Variants in MYO10 observed in about 807,000 individuals in gnomAD.
MYO10 encodes myosin X, also known as unconventional myosin-X.
Under a neutral mutation model 257.3 loss-of-function variants are expected in MYO10, and 133 were observed. The observed-to-expected ratio is 0.52, with a 90% confidence interval of 0.45 to 0.60. The LOEUF (loss-of-function observed/expected upper bound fraction) is 0.60. Among genes scored for constraint, MYO10 ranks in the 20% least tolerant of loss-of-function variants. The probability of loss-of-function intolerance (pLI) is 0.00; values close to 1 mark genes in which losing one functional copy is unlikely to be tolerated. For synonymous variants in MYO10, 1,104 were observed against 1,028.6 expected (o/e 1.07, Z -1.40); for missense variants, 2,399 against 2,635.7 (o/e 0.91, Z 1.97).
At chr5:16,865,407 G>A (rs2126749845) in intron 2 of MYO10, among the ~76,000 whole-genome samples, 1 of 152,176 alleles carries the variant, frequency 6.6e-6, no homozygotes, top group Non-Finnish European at 1.5e-5. Context: ...CTAGAATCTG[G>A]GGCTGAGTCT....
At chr5:16,681,271 G>T in intron 32 of MYO10, 38 bp downstream of exon 32, 1 of 1,572,758 alleles carries the variant, frequency 6.4e-7, no homozygotes, top group Non-Finnish European at 8.6e-7. Flanking sequence ...CAGACTTTAA[G>T]ATTTGATGCT....
chr5:16,725,408 T>A (rs1296029708), intron 19 of MYO10, among the ~76,000 whole-genome samples: 1 of 152,044 alleles, frequency 6.6e-6, no homozygotes, highest in Non-Finnish European at 1.5e-5. Context: ...TACTACATCT[T>A]AAATTGAAAA....
rs1451664796 is a variant in MYO10 at position 16,763,638 on chromosome 5, A to G, written c.1427+17T>C. ...CTTTAAAAAAAAAAATTGAAATGGAATTCTATGAGTGCTTACCGGCTATAT... is the reference window on the plus strand; with the variant it reads ...CTTTAAAAAAAAAAATTGAAATGGAGTTCTATGAGTGCTTACCGGCTATAT... On this transcript the variant is annotated intron_variant, in intron 13 of 40. Coordinates refer to ENST00000513610, the MANE Select transcript of MYO10 (RefSeq NM_012334.3). The G allele has an allele frequency of 3.1e-6, 5 of 1,591,134 alleles. No individual in the cohort carries two copies. Among genetic ancestry groups the G allele is most frequent in the Non-Finnish European group, 4.3e-6 (5 of 1,160,150 alleles).
intron 21 of MYO10, chr5:16,710,651 C>G (rs1266421955): frequency 2.0e-6 from 1 of 510,466 alleles, no homozygotes; most frequent in Non-Finnish European, 3.5e-6. Context: ...GAACAAATAC[C>G]CACACACAAA....
intron 2 of MYO10, among the ~76,000 whole-genome samples, chr5:16,851,306 A>G (rs372818370): frequency 3.3e-5 from 5 of 152,204 alleles, no homozygotes; most frequent in African/African-American, 1.2e-4. Context: ...CAGTGGCCTT[A>G]GTAATCACAT....
intron 19 of MYO10, chr5:16,741,931 C>A (rs1414776713): frequency 2.0e-6 from 2 of 985,330 alleles, no homozygotes; most frequent in Non-Finnish European, 2.4e-6. Context: ...GTGTTCCCAG[C>A]CTTTTATGTG....
chr5:16,751,533 G>C (rs1740376902), intron 19 of MYO10, among the ~76,000 whole-genome samples: 1 of 152,052 alleles, frequency 6.6e-6, no homozygotes, highest in African/African-American at 2.4e-5. Context: ...CCAGGCTGGA[G>C]TGCAATGTCG....
chr5:16,748,005 T>TGG (rs1156847273), intron 19 of MYO10, among the ~76,000 whole-genome samples: 1 of 135,930 alleles, frequency 7.4e-6, no homozygotes, highest in Non-Finnish European at 1.6e-5. Flanking sequence ...AAGAATAACA[T>TGG]GGGACCCAAA....
chr5:16,814,707 T>C (rs1742552374), intron 3 of MYO10: 1 of 152,242 alleles, frequency 6.6e-6, no homozygotes, highest in Middle Eastern at 3.4e-3. Flanking sequence ...TAAAAAATCA[T>C]GGTGGCTGCT....
At chr5:16,779,249 T>G (rs1006477564) in intron 9 of MYO10, among the ~76,000 whole-genome samples, 3 of 152,238 alleles carry the variant, frequency 2.0e-5, no homozygotes, top group East Asian at 3.9e-4. Context: ...GGGGGTTTTT[T>G]GGGGGTGGAA....
intron 9 of MYO10, 72 bp downstream of exon 9, chr5:16,779,473 C>T (rs1579981904): frequency 6.5e-6 from 6 of 918,374 alleles, no homozygotes; most frequent in East Asian, 2.9e-5. Context: ...CTTTTGAAAC[C>T]GAAAATGAAA....
At chr5:16,874,264 G>A (rs573844180) in intron 2 of MYO10, among the ~76,000 whole-genome samples, 7 of 146,148 alleles carry the variant, frequency 4.8e-5, no homozygotes, top group South Asian at 2.2e-4. Context: ...AACCCGGGAC[G>A]TAGAGCTTGC....
At chr5:16,668,549 G>A (rs1329447895) in intron 39 of MYO10, 81 bp from the exon 40 acceptor site, 4 of 1,161,484 alleles carry the variant, frequency 3.4e-6, no homozygotes, top group South Asian at 3.3e-5. Flanking sequence ...GACAGGCTTT[G>A]AGTGAAGTCC....
At chr5:16,739,747 C>T (rs1739944208) in intron 19 of MYO10, among the ~76,000 whole-genome samples, 1 of 151,682 alleles carries the variant, frequency 6.6e-6, no homozygotes, top group Non-Finnish European at 1.5e-5. Context: ...ACTATGATCC[C>T]AATTTAAAGG....
chr5:16,717,817 G>A (rs1392423120), intron 19 of MYO10, among the ~76,000 whole-genome samples: 6 of 152,326 alleles, frequency 3.9e-5, no homozygotes, highest in Admixed American at 6.5e-5. Flanking sequence ...ACTTGCTCTC[G>A]GCACCTCCCC....
At chr5:16,790,103 C>G (rs1044067865) in intron 4 of MYO10, among the ~76,000 whole-genome samples, 1 of 151,904 alleles carries the variant, frequency 6.6e-6, no homozygotes, top group Non-Finnish European at 1.5e-5. Context: ...CATTCCAACA[C>G]TATCACCTCT....
chr5:16,720,808 T>G (rs1228309207), intron 19 of MYO10, among the ~76,000 whole-genome samples: 1 of 152,226 alleles, frequency 6.6e-6, no homozygotes, highest in East Asian at 1.9e-4. Flanking sequence ...TGAAATACTT[T>G]AAACTTTACA....
intron 9 of MYO10, among the ~76,000 whole-genome samples, chr5:16,777,840 T>A (rs72732228): frequency 1.9e-5 from 1 of 53,616 alleles, no homozygotes; most frequent in East Asian, 5.2e-4. Flanking sequence ...TGCATCTAAC[T>A]TTTTTTTTTT....
chr5:16,902,120 A>G (rs2560844), intron 1 of MYO10, among the ~76,000 whole-genome samples: 74,168 of 151,552 alleles, frequency 0.49, 18,550 homozygotes, highest in Admixed American at 0.59. Flanking sequence ...ATATGGGCTC[A>G]CTGCAACCTC....
Sources: gnomAD v4.1 joint callset for allele counts (sites outside exome capture counted in the v4.1 genomes callset) on GRCh38, gnomAD v4.1.1 for gene constraint, MANE v1.5 for transcripts, NCBI Gene and HGNC (gene_info 2026-07-23, HGNC 2026-07-21) for gene names.